The following THAP10 variants were observed in gnomAD, a reference collection of about 807,000 sequenced individuals.
THAP10 encodes THAP domain containing 10.
Under a neutral mutation model 15.7 loss-of-function variants are expected in THAP10, and 10 were observed. The observed-to-expected ratio is 0.64, with a 90% confidence interval of 0.39 to 1.08. The LOEUF (loss-of-function observed/expected upper bound fraction) is 1.08, where lower values mean the gene tolerates loss of function less well. THAP10 is among the 50% of genes least tolerant of loss of function. The pLI is 0.01. For synonymous variants in THAP10, 127 were observed against 129.1 expected (o/e 0.98, Z 0.11); for missense variants, 310 against 330.9 (o/e 0.94, Z 0.49).
In THAP10 at chr15:70,892,354, C is replaced by A. The variant is rs531665776; in HGVS notation, c.-82G>T. On this transcript the variant is annotated 5_prime_UTR_variant, in exon 1 of 3. Coordinates refer to ENST00000249861, the MANE Select transcript of THAP10 (RefSeq NM_020147.4). ...GCTCCTCGCAGCGGCCTCGGCGAGG[C>A]AAGTCCTCCCCTCCTCACCTGTCCA... The A allele has an allele frequency of 1.5e-4, 228 of 1,548,306 alleles. 1 individual carries two copies. The South Asian group carries it at 2.1e-3, about 15-fold the overall frequency.
intron 1 of THAP10, among the ~76,000 whole-genome samples, chr15:70,889,646 C>G (rs1270596982): frequency 1.8e-4 from 27 of 152,162 alleles, no homozygotes; most frequent in Admixed American, 1.8e-3. Context: ...AAGCCCCTTT[C>G]TTTCCTTGGA....
At chr15:70,887,962 T>C (rs963629630) in intron 1 of THAP10, among the ~76,000 whole-genome samples, 2 of 152,122 alleles carry the variant, frequency 1.3e-5, no homozygotes, top group Non-Finnish European at 2.9e-5. Flanking sequence ...CAAAATCAAA[T>C]AGCTGTGAAT....
At chr15:70,885,673 C>A (rs1322123841) in intron 1 of THAP10, among the ~76,000 whole-genome samples, 1 of 152,116 alleles carries the variant, frequency 6.6e-6, no homozygotes, top group Admixed American at 6.5e-5. Context: ...TATATACATA[C>A]CTAATAACAT....
At position 70,882,851 on chromosome 15, in the gene THAP10, T is replaced by C. The variant is rs946245862; in HGVS notation, c.487A>G (p.Thr163Ala). Residue 163 changes from threonine to alanine, a missense_variant, in exon 2 of 3, where the codon ACT (threonine) becomes GCT (alanine). Coordinates refer to ENST00000249861, the MANE Select transcript of THAP10 (RefSeq NM_020147.4). ...TQPHADNPSN[T>A]VTSVPTHCEE... is the part of the protein sequence containing the mutation. ...CAGTGAGTAGGTACTGAAGTGACAG[T>C]ATTAGATGGATTATCAGCATGGGGT... 8.7e-6 allele frequency: 14 copies of C among 1,614,024 alleles called. No homozygotes were observed. Among genetic ancestry groups the C allele is most frequent in the African/African-American group, 1.3e-5 (1 of 74,934 alleles).
chr15:70,884,583 T>TCA (rs2033355241), intron 1 of THAP10, among the ~76,000 whole-genome samples: 1 of 151,834 alleles, frequency 6.6e-6, no homozygotes, highest in Non-Finnish European at 1.5e-5. Flanking sequence ...GAAATTCCTG[T>TCA]GAAGAGTCCC....
intron 1 of THAP10, among the ~76,000 whole-genome samples, chr15:70,886,595 C>T (rs897724547): frequency 2.0e-5 from 3 of 152,116 alleles, no homozygotes; most frequent in Non-Finnish European, 4.4e-5. Context: ...CGGTGGGGTG[C>T]GGTGGCTCAC....
In THAP10 at chr15:70,882,043, C is replaced by G. The variant is rs1445633967; in HGVS notation, c.*411G>C. The G allele has an allele frequency of 6.3e-6, 1 of 159,402 alleles. No individual in the cohort carries two copies. Among genetic ancestry groups the G allele is most frequent in the Non-Finnish European group, 1.4e-5 (1 of 72,576 alleles). 9.9% of individuals were successfully genotyped at this position (159,402 alleles called of 1,614,324 possible). On this transcript the variant is annotated 3_prime_UTR_variant, in exon 3 of 3. Coordinates refer to ENST00000249861, the MANE Select transcript of THAP10 (RefSeq NM_020147.4). ...TCAGGCTTGGCTGTGCTCACTGTTA[C>G]TGTGTTACTGCTCTATACTTTCAAA...
rs1567038534 is a variant in THAP10, at chr15:70,892,356, A to T, written c.-84T>A. ...TCCTCGCAGCGGCCTCGGCGAGGCA[A>T]GTCCTCCCCTCCTCACCTGTCCACT... On this transcript the variant is annotated 5_prime_UTR_variant, in exon 1 of 3. The change creates a new upstream start codon in the 5' untranslated region. Coordinates refer to ENST00000249861, the MANE Select transcript of THAP10 (RefSeq NM_020147.4). 1.3e-6 allele frequency: 2 copies of T among 1,548,304 alleles called. No homozygotes were observed. Among genetic ancestry groups the T allele is most frequent in the South Asian group, 2.4e-5 (2 of 83,262 alleles).
chr15:70,888,966 T>C (rs1453760170), intron 1 of THAP10, among the ~76,000 whole-genome samples: 1 of 152,204 alleles, frequency 6.6e-6, no homozygotes, highest in African/African-American at 2.4e-5. Flanking sequence ...TAGGCAAGAA[T>C]GTGGAACAAT....
chr15:70,891,783 A>G, intron 1 of THAP10, 61 bp downstream of exon 1: 1 of 1,414,512 alleles, frequency 7.1e-7, no homozygotes. Context: ...GGTGACACTA[A>G]GTGGAGGAGC....
chr15:70,886,154 C>G (rs780415916), intron 1 of THAP10, among the ~76,000 whole-genome samples: 6 of 152,082 alleles, frequency 3.9e-5, no homozygotes, highest in African/African-American at 1.4e-4. Context: ...ATACCTAAAA[C>G]TTGTAAGATT....
At chr15:70,887,699 C>T (rs1379905005) in intron 1 of THAP10, among the ~76,000 whole-genome samples, 1 of 152,092 alleles carries the variant, frequency 6.6e-6, no homozygotes, top group Non-Finnish European at 1.5e-5. Context: ...GAAAAGGATT[C>T]CCCTCACCTC....
chr15:70,889,320 A>G (rs1338099216), intron 1 of THAP10, among the ~76,000 whole-genome samples: 1 of 152,146 alleles, frequency 6.6e-6, no homozygotes, highest in African/African-American at 2.4e-5. Flanking sequence ...GAAGCCAGAC[A>G]CAGAAAATGG....
intron 1 of THAP10, 104 bp from the exon 2 acceptor site, chr15:70,883,012 C>T (rs565298484): frequency 7.0e-6 from 8 of 1,142,322 alleles, no homozygotes; most frequent in African/African-American, 3.1e-5. Flanking sequence ...AATTTTCAGT[C>T]ACATATTAGT....
chr15:70,884,608 CTTA>C (rs2033355963), intron 1 of THAP10, among the ~76,000 whole-genome samples: 1 of 151,752 alleles, frequency 6.6e-6, no homozygotes, highest in Non-Finnish European at 1.5e-5. Flanking sequence ...TAACACAAAT[CTTA>C]TTTAAAGGGT....
Position 70,892,368 on chromosome 15 carries a change from C to T in THAP10, c.-96G>A. Reference sequence around the variant, plus strand: ...CCTCGGCGAGGCAAGTCCTCCCCTCCTCACCTGTCCACTCCGGGTCGGGAT... The same window carrying T: ...CCTCGGCGAGGCAAGTCCTCCCCTCTTCACCTGTCCACTCCGGGTCGGGAT... On this transcript the variant is annotated 5_prime_UTR_variant, in exon 1 of 3. Transcript: ENST00000249861. 6.5e-7 allele frequency: 1 copy of T among 1,547,442 alleles called. No homozygotes were observed. Among genetic ancestry groups the T allele is most frequent in the Non-Finnish European group, 8.7e-7 (1 of 1,146,736 alleles).
At position 70,881,605 on chromosome 15, in the gene THAP10, T is replaced by C. The variant is rs536307934; in HGVS notation, c.*849A>G. On this transcript the variant is annotated 3_prime_UTR_variant, in exon 3 of 3. Coordinates refer to ENST00000249861, the MANE Select transcript of THAP10 (RefSeq NM_020147.4). ...ACAAAATTGCCATAGAAATTTTTCC[T>C]GGTGAATGGCAGACGGGGCAGCTAA... 6.6e-6 allele frequency: 1 copy of C among 152,340 alleles called. No individual in the cohort carries two copies. Among genetic ancestry groups the C allele is most frequent in the South Asian group, 2.1e-4 (1 of 4,832 alleles). 9.4% of individuals were successfully genotyped at this position (152,340 alleles called of 1,614,324 possible). A position where few individuals can be genotyped will look rare whatever the true frequency, so the allele number is the denominator to read the frequency against.
At chr15:70,885,821 G>A (rs1298347903) in intron 1 of THAP10, among the ~76,000 whole-genome samples, 1 of 152,238 alleles carries the variant, frequency 6.6e-6, no homozygotes, top group East Asian at 1.9e-4. Context: ...ATTCCAAAAG[G>A]ATATAGGAAA....
At chr15:70,891,109 C>G (rs1290982258) in intron 1 of THAP10, among the ~76,000 whole-genome samples, 2 of 152,166 alleles carry the variant, frequency 1.3e-5, no homozygotes, top group East Asian at 3.9e-4. Context: ...ATAATTTAAT[C>G]TGTGTAATGG....
Sources: allele counts gnomAD v4.1 joint callset (sites outside exome capture counted in the v4.1 genomes callset), GRCh38; gene constraint gnomAD v4.1.1; transcripts MANE v1.5; gene names NCBI Gene and HGNC (gene_info 2026-07-23, HGNC 2026-07-21).